Variants in AFF3 observed in about 807,000 individuals in gnomAD.
AFF3 encodes ALF transcription elongation factor 3.
AFF3 carries 32 observed loss-of-function variants against 129.7 expected under a neutral mutation model. The observed-to-expected ratio is 0.25, with a 90% CI of 0.19 to 0.33. The LOEUF is 0.33. Ranked by LOEUF, AFF3 falls within the 10% of genes least tolerant of loss-of-function variation. The pLI, the probability that AFF3 is intolerant of heterozygous loss-of-function variation, is 1.00. For missense variants in AFF3, 1,373 were observed against 1,592.0 expected, an observed-to-expected ratio of 0.86 and a Z score of 2.34; for synonymous variants, 644 against 635.4, an observed-to-expected ratio of 1.01 and a Z score of -0.20.
At chr2:100,140,206 G>T (rs1043711232) in intron 1 of AFF3, among the ~76,000 whole-genome samples, 1 of 152,168 alleles carries the variant, frequency 6.6e-6, no homozygotes, top group Non-Finnish European at 1.5e-5. Flanking sequence ...CACAGAAAAA[G>T]ATGTGGAAGT....
chr2:99,805,813 T>TACACAC (rs3072357), intron 8 of AFF3, among the ~76,000 whole-genome samples: 33,459 of 142,730 alleles, frequency 0.23, 4,408 homozygotes, highest in Non-Finnish European at 0.29. Flanking sequence ...GCAGGAGTCT[T>TACACAC]ACACACACAC....
intron 18 of AFF3, among the ~76,000 whole-genome samples, chr2:99,571,439 C>T (rs1676469146): frequency 2.0e-5 from 3 of 152,136 alleles, no homozygotes; most frequent in African/African-American, 7.2e-5. Flanking sequence ...CTCACAATTC[C>T]TAATATAAGC....
intron 13 of AFF3, among the ~76,000 whole-genome samples, chr2:99,614,718 T>C (rs1681249474): frequency 2.0e-5 from 3 of 152,188 alleles, no homozygotes; most frequent in Non-Finnish European, 4.4e-5. Context: ...CTACTGACAT[T>C]TGCTAAGAAA....
At chr2:100,117,672 C>T (rs1051444440) in intron 2 of AFF3, among the ~76,000 whole-genome samples, 4 of 152,086 alleles carry the variant, frequency 2.6e-5, no homozygotes, top group Non-Finnish European at 5.9e-5. Context: ...CTAGTTATTT[C>T]GAATTATGTG....
At chr2:99,870,608 C>T (rs1321204285) in intron 7 of AFF3, among the ~76,000 whole-genome samples, 1 of 152,206 alleles carries the variant, frequency 6.6e-6, no homozygotes, top group African/African-American at 2.4e-5. Flanking sequence ...TGGGTGCCCA[C>T]CTGACAATCC....
chr2:99,911,015 T>C (rs1695073760), intron 7 of AFF3, among the ~76,000 whole-genome samples: 1 of 152,222 alleles, frequency 6.6e-6, no homozygotes, highest in Non-Finnish European at 1.5e-5. Flanking sequence ...AGAAAGCTTT[T>C]ACATAAATGC....
chr2:99,907,832 C>T (rs1046384884), intron 7 of AFF3, among the ~76,000 whole-genome samples: 6 of 152,146 alleles, frequency 3.9e-5, no homozygotes, highest in African/African-American at 1.4e-4. Context: ...ACTATGTTTA[C>T]TAACCACATT....
At chr2:99,818,280 A>G (rs1434855020) in intron 8 of AFF3, among the ~76,000 whole-genome samples, 4 of 152,246 alleles carry the variant, frequency 2.6e-5, no homozygotes, top group East Asian at 3.8e-4. Flanking sequence ...AGCATTTCAG[A>G]TAAGAGATAC....
intron 4 of AFF3, among the ~76,000 whole-genome samples, chr2:100,026,419 G>C (rs1176088475): frequency 6.6e-6 from 1 of 152,172 alleles, no homozygotes. Context: ...CATGGATGTG[G>C]TGATCAGGGA....
intron 9 of AFF3, among the ~76,000 whole-genome samples, chr2:99,749,460 A>T (rs1343836106): frequency 6.6e-6 from 1 of 152,248 alleles, no homozygotes; most frequent in Non-Finnish European, 1.5e-5. Context: ...GTGCCCAGTT[A>T]TATCAAAAGT....
At chr2:99,565,023 T>C (rs1675831025) in intron 20 of AFF3, among the ~76,000 whole-genome samples, 1 of 152,120 alleles carries the variant, frequency 6.6e-6, no homozygotes, top group South Asian at 2.1e-4. Flanking sequence ...ATGGTGCCCA[T>C]GTCCAGTTTT....
chr2:99,649,639 C>T lies in AFF3; in HGVS notation c.1171G>A (p.Ala391Thr), dbSNP rs546235334. ...QQAAQRTALR[A>T]LSDSAVVQQP... The stretch of plus-strand genomic sequence containing the variant: ...GACAAAATGTACCTGTCAGAGAGAG[C>T]GCGGAGAGCCGTTCTCTGAGCTGCC... Residue 391 changes from alanine to threonine, a missense_variant, in exon 13 of 25, where the codon GCT (alanine) becomes ACT (threonine). Ala to Thr is a moderately conservative substitution (Grantham distance 58). This residue lies in a region of AFF3 where 413 missense variants were observed against 424.4 expected (regional missense o/e 0.97). Coordinates refer to ENST00000672756, the MANE Select transcript of AFF3 (RefSeq NM_001386135.1). The T allele has an allele frequency of 2.4e-5, 39 of 1,613,956 alleles. No individual in the cohort carries two copies. The highest frequency in any genetic ancestry group is 6.7e-5 in the African/African-American group (5 of 74,984).
At chr2:99,599,715 C>T (rs925256458) in intron 14 of AFF3, among the ~76,000 whole-genome samples, 5 of 152,160 alleles carry the variant, frequency 3.3e-5, no homozygotes, top group African/African-American at 1.2e-4. Context: ...TTTTGGATAT[C>T]CTCACTGCCT....
At chr2:99,560,280 C>T in intron 21 of AFF3, 85 bp downstream of exon 21, 1 of 1,433,230 alleles carries the variant, frequency 7.0e-7, no homozygotes, top group Admixed American at 1.7e-5. Flanking sequence ...AGACATTGGG[C>T]AAACACTATG....
At chr2:99,692,963 T>C (rs893804044) in intron 11 of AFF3, among the ~76,000 whole-genome samples, 2 of 152,238 alleles carry the variant, frequency 1.3e-5, no homozygotes, top group African/African-American at 4.8e-5. Flanking sequence ...TGTCACCTTA[T>C]ATTGAAGTGA....
intron 4 of AFF3, among the ~76,000 whole-genome samples, chr2:100,050,916 AAAG>A (rs1424458559): frequency 1.3e-5 from 2 of 152,214 alleles, no homozygotes; most frequent in African/African-American, 4.8e-5. Flanking sequence ...AGTCCCGCGG[AAAG>A]AAGACCTGCC....
intron 8 of AFF3, among the ~76,000 whole-genome samples, chr2:99,810,053 CAATA>C (rs1214219550): frequency 1.3e-5 from 2 of 152,116 alleles, no homozygotes; most frequent in African/African-American, 4.8e-5. Context: ...AGTAAGTGCT[CAATA>C]AATAGGTACA....
At chr2:99,582,715 A>C in intron 17 of AFF3, 83 bp downstream of exon 17, 1 of 1,463,634 alleles carries the variant, frequency 6.8e-7, no homozygotes, top group Non-Finnish European at 9.5e-7. Context: ...GCATGTGTTC[A>C]GACTGTGCTA....
chr2:99,602,972 G>C (rs1480373083), intron 13 of AFF3, among the ~76,000 whole-genome samples: 1 of 152,228 alleles, frequency 6.6e-6, no homozygotes, highest in African/African-American at 2.4e-5. Flanking sequence ...GGCAGGGTTA[G>C]GGGAACCAGA....
Sources: allele counts gnomAD v4.1 joint callset (sites outside exome capture counted in the v4.1 genomes callset), GRCh38; gene constraint gnomAD v4.1.1; regional missense constraint gnomAD v4.1.1; transcripts MANE v1.5; gene names NCBI Gene and HGNC (gene_info 2026-07-23, HGNC 2026-07-21).